The following CFDP1 variants were observed in gnomAD, a reference collection of about 807,000 sequenced individuals.
CFDP1 encodes heterochromatin-stabilizing protein CFDP1.
A neutral mutation model predicts 40.1 loss-of-function variants in CFDP1; 31 were observed. The ratio of observed to expected loss-of-function variants is 0.77; its 90% CI spans 0.58 to 1.04. CFDP1 has a LOEUF of 1.04. CFDP1 is among the 50% of genes least tolerant of loss of function. The pLI, the probability that CFDP1 is intolerant of heterozygous loss-of-function variation, is 0.00. For synonymous variants in CFDP1, 167 were observed against 120.0 expected, an observed-to-expected ratio of 1.39 and a Z score of -2.56; for missense variants, 423 against 343.4, an observed-to-expected ratio of 1.23 and a Z score of -1.83.
At chr16:75,401,999 A>G (rs1159067225) in intron 4 of CFDP1, among the ~76,000 whole-genome samples, 1 of 152,224 alleles carries the variant, frequency 6.6e-6, no homozygotes, top group Non-Finnish European at 1.5e-5. Flanking sequence ...AGTATCTCTC[A>G]AAATTTCTTA....
chr16:75,311,724 C>A (rs1338586339), intron 5 of CFDP1, among the ~76,000 whole-genome samples: 2 of 151,662 alleles, frequency 1.3e-5, no homozygotes, highest in African/African-American at 4.8e-5. Flanking sequence ...TATGCAGTTT[C>A]CTTAGTATTT....
Position 75,363,535 on chromosome 16 carries a change from A to G in CFDP1, c.650+31555T>C, listed in dbSNP as rs148490392. On this transcript the variant is annotated intron_variant, in intron 5 of 6. Coordinates refer to ENST00000283882, the MANE Select transcript of CFDP1 (RefSeq NM_006324.3). ...CTCAGCCTCCCGAGTAGCTGGGATT[A>G]TAGGTGCCCGCCATCACACCCAGCT... Among the ~76,000 whole-genome samples, 221 of 151,982 alleles carry G rather than the reference A, an allele frequency of 1.5e-3. 1 individual carries two copies. Among genetic ancestry groups the G allele is most frequent in the African/African-American group, 5.2e-3 (217 of 41,442 alleles).
At chr16:75,309,969 G>A (rs1412209340) in intron 5 of CFDP1, among the ~76,000 whole-genome samples, 5 of 152,084 alleles carry the variant, frequency 3.3e-5, no homozygotes, top group Non-Finnish European at 7.3e-5. Context: ...ACTTCATTGA[G>A]TCAAGAGACT....
At position 75,360,104 on chromosome 16, in the gene CFDP1, C is replaced by T. The variant is rs367925637; in HGVS notation, c.650+34986G>A. 4.3e-4 allele frequency among the ~76,000 whole-genome samples: 65 copies of T among 152,218 alleles called. No homozygotes were observed. In the East Asian group the frequency reaches 0.012, roughly 29 times the overall value. On this transcript the variant is annotated intron_variant, in intron 5 of 6. Transcript: ENST00000283882. ...AAGGGGGTCTCACTATGTTGGGCAG[C>T]CTGTCTTGAACTTCTGGCCTCAAGC...
intron 5 of CFDP1, among the ~76,000 whole-genome samples, chr16:75,387,886 G>T (rs1279116205): frequency 2.0e-5 from 3 of 151,776 alleles, no homozygotes; most frequent in Non-Finnish European, 4.4e-5. Flanking sequence ...ATAGAAAATG[G>T]TTATATTAAT....
chr16:75,322,496 G>A (rs2078371810), intron 5 of CFDP1, among the ~76,000 whole-genome samples: 1 of 152,056 alleles, frequency 6.6e-6, no homozygotes, highest in African/African-American at 2.4e-5. Flanking sequence ...ATTGCTCCTA[G>A]GCTACAAATC....
chr16:75,428,640 G>A (rs1360184768), intron 1 of CFDP1, among the ~76,000 whole-genome samples: 1 of 139,600 alleles, frequency 7.2e-6, no homozygotes, highest in Admixed American at 7.6e-5. Context: ...TAGAGAGAGA[G>A]AAAAAGAAGG....
intron 5 of CFDP1, among the ~76,000 whole-genome samples, chr16:75,386,994 T>C (rs1435773199): frequency 6.6e-6 from 1 of 152,234 alleles, no homozygotes; most frequent in African/African-American, 2.4e-5. Context: ...TTATTCAATT[T>C]CTAATCTATT....
chr16:75,306,361 G>T (rs989510182), intron 5 of CFDP1: 2 of 152,232 alleles, frequency 1.3e-5, no homozygotes, highest in African/African-American at 4.8e-5. Context: ...CGTCCCTGCC[G>T]CAAAGCAGCG....
intron 5 of CFDP1, among the ~76,000 whole-genome samples, chr16:75,350,299 G>T (rs2078601808): frequency 6.6e-6 from 1 of 152,098 alleles, no homozygotes; most frequent in Admixed American, 6.5e-5. Flanking sequence ...TTAACTTTGA[G>T]AATCTGCCAA....
chr16:75,430,636 A>G (rs959638788), intron 1 of CFDP1, among the ~76,000 whole-genome samples: 3 of 151,568 alleles, frequency 2.0e-5, no homozygotes, highest in East Asian at 3.9e-4. Context: ...GCTAATTTTC[A>G]TATTTTCAGT....
intron 5 of CFDP1, among the ~76,000 whole-genome samples, chr16:75,364,328 C>G (rs2078699778): frequency 6.6e-6 from 1 of 152,156 alleles, no homozygotes; most frequent in African/African-American, 2.4e-5. Context: ...TCCCCTTTCC[C>G]CAAGACCAAC....
At chr16:75,338,499 G>A (rs2078505473) in intron 5 of CFDP1, among the ~76,000 whole-genome samples, 1 of 152,162 alleles carries the variant, frequency 6.6e-6, no homozygotes, top group Non-Finnish European at 1.5e-5. Context: ...CTGGATTTCT[G>A]GTGACAACTG....
At chr16:75,387,186 G>A (rs1315198008) in intron 5 of CFDP1, among the ~76,000 whole-genome samples, 3 of 148,362 alleles carry the variant, frequency 2.0e-5, no homozygotes, top group African/African-American at 7.5e-5. Context: ...TGTTGCCCAG[G>A]CTGGAGTGCA....
At chr16:75,378,865 A>G (rs1278371283) in intron 5 of CFDP1, among the ~76,000 whole-genome samples, 3 of 152,238 alleles carry the variant, frequency 2.0e-5, no homozygotes, top group African/African-American at 4.8e-5. Flanking sequence ...ATTAATATCA[A>G]CAAATTTAAA....
intron 5 of CFDP1, among the ~76,000 whole-genome samples, chr16:75,392,579 C>T (rs2078961432): frequency 6.6e-6 from 1 of 152,198 alleles, no homozygotes; most frequent in Non-Finnish European, 1.5e-5. Flanking sequence ...CTCACTTCGA[C>T]CTCTGCCTCC....
chr16:75,294,040 T>C lies in CFDP1; in HGVS notation c.812A>G (p.Tyr271Cys). 6.2e-7 allele frequency: 1 copy of C among 1,611,432 alleles called. No homozygotes were observed. Among genetic ancestry groups the C allele is most frequent in the South Asian group, 1.1e-5 (1 of 91,030 alleles). Residue 271 changes from tyrosine to cysteine, a missense_variant and splice_region_variant, in exon 7 of 7, where the codon TAC (tyrosine) becomes TGC (cysteine). Tyr to Cys is a radical substitution (Grantham distance 194). Transcript: ENST00000283882. ...LAIHNRGKEGYIERKAFLDRV... is the reference protein window; with the variant it reads ...LAIHNRGKEGCIERKAFLDRV... ...GTCAAGGAAGGCTTTCCGTTCAATGTACCTAGAAGATGAAAACAGTGTTTG... is the reference window on the plus strand; with the variant it reads ...GTCAAGGAAGGCTTTCCGTTCAATGCACCTAGAAGATGAAAACAGTGTTTG...
At chr16:75,337,629 T>C (rs933298883) in intron 5 of CFDP1, among the ~76,000 whole-genome samples, 1 of 152,022 alleles carries the variant, frequency 6.6e-6, no homozygotes, top group Non-Finnish European at 1.5e-5. Context: ...CTTTCAATCA[T>C]GGCGGGAAGG....
chr16:75,304,265 G>C (rs1476525979), intron 6 of CFDP1, among the ~76,000 whole-genome samples: 1 of 152,010 alleles, frequency 6.6e-6, no homozygotes, highest in Non-Finnish European at 1.5e-5. Context: ...ATGGGGTTTT[G>C]CCAGGTTGGC....
Sources: allele counts gnomAD v4.1 joint callset (sites outside exome capture counted in the v4.1 genomes callset), GRCh38; gene constraint gnomAD v4.1.1; transcripts MANE v1.5; gene names NCBI Gene and HGNC (gene_info 2026-07-23, HGNC 2026-07-21).